GPC5: variants seen among roughly 807,000 people sequenced by gnomAD.
The protein encoded by GPC5 is glypican 5, also known as glypican-5.
Under a neutral mutation model 53.9 loss-of-function variants are expected in GPC5, and 47 were observed. That is an observed-to-expected ratio of 0.87 (90% CI 0.69 to 1.11). The LOEUF is 1.11. Ranked by LOEUF, GPC5 falls within the 50% of genes most tolerant of loss-of-function variation. GPC5 has a pLI of 0.00. For synonymous variants in GPC5, 286 were observed against 263.3 expected (o/e 1.09, Z -0.84); for missense variants, 748 against 713.1 (o/e 1.05, Z -0.56).
intron 7 of GPC5, among the ~76,000 whole-genome samples, chr13:92,519,158 G>A (rs1057360556): frequency 3.9e-5 from 6 of 152,168 alleles, no homozygotes; most frequent in African/African-American, 1.4e-4. Context: ...AAGAGACTTA[G>A]ACTCCCACAC....
At position 92,212,618 on chromosome 13, in the gene GPC5, A is replaced by C. The variant is rs77496097; in HGVS notation, c.1561+67629A>C. ...GGAGATGTGGGGGACCCTAAGTAGT[A>C]ATGAATTTTCCTTTGCTTATTCTAG... On this transcript the variant is annotated intron_variant, in intron 7 of 7. Coordinates refer to ENST00000377067, the MANE Select transcript of GPC5 (RefSeq NM_004466.6). Among the ~76,000 whole-genome samples the C allele has an allele frequency of 7.3e-3, 1,112 of 152,286 alleles. 12 individuals are homozygous for C. Among genetic ancestry groups the C allele is most frequent in the Non-Finnish European group, 0.013 (886 of 68,016 alleles).
chr13:92,283,708 C>A (rs2139172670), intron 7 of GPC5, among the ~76,000 whole-genome samples: 1 of 152,248 alleles, frequency 6.6e-6, no homozygotes, highest in African/African-American at 2.4e-5. Flanking sequence ...AACAAAGACA[C>A]AACATACCAG....
intron 7 of GPC5, among the ~76,000 whole-genome samples, chr13:92,420,146 A>G (rs1876494664): frequency 6.6e-6 from 1 of 152,132 alleles, no homozygotes; most frequent in Non-Finnish European, 1.5e-5. Context: ...GTTTTTCTAG[A>G]TATATATGGT....
At chr13:92,445,660 G>T (rs985592462) in intron 7 of GPC5, among the ~76,000 whole-genome samples, 5 of 151,442 alleles carry the variant, frequency 3.3e-5, no homozygotes, top group Non-Finnish European at 7.4e-5. Flanking sequence ...ATTTTTTATG[G>T]CTGCATAGTA....
intron 5 of GPC5, among the ~76,000 whole-genome samples, chr13:91,807,441 G>A (rs935468304): frequency 1.1e-4 from 16 of 152,246 alleles, no homozygotes; most frequent in Admixed American, 9.8e-4. Context: ...TTCTTTTCTA[G>A]ATTAATGGTT....
intron 6 of GPC5, among the ~76,000 whole-genome samples, chr13:92,112,148 A>G (rs1383975690): frequency 1.3e-5 from 2 of 152,176 alleles, no homozygotes; most frequent in Non-Finnish European, 2.9e-5. Context: ...GAAAGAAACA[A>G]TTAGTTTTCT....
At chr13:92,652,832 C>T (rs1886000707) in intron 7 of GPC5, among the ~76,000 whole-genome samples, 1 of 152,152 alleles carries the variant, frequency 6.6e-6, no homozygotes, top group Non-Finnish European at 1.5e-5. Flanking sequence ...GATGAACTAA[C>T]TTCCCTAAAA....
rs140149016 is a variant in GPC5, at chr13:92,595,425, T to C, written c.1562-270857T>C. Among the ~76,000 whole-genome samples the C allele has an allele frequency of 2.6e-3, 398 of 152,324 alleles. 1 individual carries two copies. Among genetic ancestry groups the C allele is most frequent in the African/African-American group, 9.0e-3 (374 of 41,578 alleles). On this transcript the variant is annotated intron_variant, in intron 7 of 7. Coordinates refer to ENST00000377067, the MANE Select transcript of GPC5 (RefSeq NM_004466.6). ...TTTGCAGTAAGAGTCGCCTACCATA[T>C]GTAAACCTACAATTATGAGTTGTGC... is the stretch of plus-strand genomic sequence containing the variant.
At chr13:92,476,833 G>A (rs1879159942) in intron 7 of GPC5, among the ~76,000 whole-genome samples, 1 of 137,906 alleles carries the variant, frequency 7.3e-6, no homozygotes, top group Admixed American at 8.0e-5. Context: ...TCATAGGTGG[G>A]AATTGAACAA....
At chr13:91,839,416 G>T (rs2038759164) in intron 5 of GPC5, among the ~76,000 whole-genome samples, 1 of 152,062 alleles carries the variant, frequency 6.6e-6, no homozygotes, top group Non-Finnish European at 1.5e-5. Flanking sequence ...ATATTATTTT[G>T]CAACCGCTTT....
At chr13:92,716,020 T>C (rs1308996753) in intron 7 of GPC5, among the ~76,000 whole-genome samples, 1 of 152,218 alleles carries the variant, frequency 6.6e-6, no homozygotes, top group Non-Finnish European at 1.5e-5. Flanking sequence ...CCTAAGTTTT[T>C]CTTTTTCCTT....
At chr13:91,908,520 C>A (rs1475192742) in intron 6 of GPC5, among the ~76,000 whole-genome samples, 1 of 151,972 alleles carries the variant, frequency 6.6e-6, no homozygotes, top group Non-Finnish European at 1.5e-5. Flanking sequence ...TCCTATAACA[C>A]CTTTTATATG....
At chr13:92,016,502 TA>T (rs2138783978) in intron 6 of GPC5, among the ~76,000 whole-genome samples, 1 of 152,278 alleles carries the variant, frequency 6.6e-6, no homozygotes, top group African/African-American at 2.4e-5. Context: ...CTTCTGATTC[TA>T]AATTTTATTT....
In GPC5 at chr13:91,638,375, T is replaced by G. The variant is rs141175989; in HGVS notation, c.326-54812T>G. ...CATTTCTTTCTTTTTCTTTTTTTTT[T>G]CTTTTTTTGAGACGGAGTTTCACCA... On this transcript the variant is annotated intron_variant, in intron 2 of 7. Coordinates refer to ENST00000377067, the MANE Select transcript of GPC5 (RefSeq NM_004466.6). Among the ~76,000 whole-genome samples, 210 of 152,184 alleles carry G rather than the reference T, an allele frequency of 1.4e-3. 1 individual carries two copies. Among genetic ancestry groups the G allele is most frequent in the Non-Finnish European group, 2.5e-3 (168 of 68,004 alleles).
At chr13:92,454,934 T>C (rs1878201493) in intron 7 of GPC5, among the ~76,000 whole-genome samples, 1 of 152,220 alleles carries the variant, frequency 6.6e-6, no homozygotes. Flanking sequence ...AACAAGAACA[T>C]AGGCTATTAT....
chr13:91,982,954 A>G (rs2040372703), intron 6 of GPC5, among the ~76,000 whole-genome samples: 1 of 152,218 alleles, frequency 6.6e-6, no homozygotes, highest in African/African-American at 2.4e-5. Context: ...TTTATTAATG[A>G]AAATGTTCAA....
At chr13:91,907,156 T>C (rs1594655368) in intron 5 of GPC5, among the ~76,000 whole-genome samples, 1 of 149,234 alleles carries the variant, frequency 6.7e-6, no homozygotes, top group East Asian at 1.9e-4. Context: ...ATAGGTATAA[T>C]TGTTTTCCTT....
chr13:92,548,234 C>G (rs775198728), intron 7 of GPC5, among the ~76,000 whole-genome samples: 1 of 151,666 alleles, frequency 6.6e-6, no homozygotes, highest in Non-Finnish European at 1.5e-5. Context: ...AGATAAAAAG[C>G]GTGGTTGGTT....
At chr13:92,859,204 G>T (rs1879104083) in intron 7 of GPC5, among the ~76,000 whole-genome samples, 1 of 152,096 alleles carries the variant, frequency 6.6e-6, no homozygotes, top group Non-Finnish European at 1.5e-5. Flanking sequence ...AGCTATGATG[G>T]TATCACTGCA....
Sources: gnomAD v4.1 joint callset for allele counts (sites outside exome capture counted in the v4.1 genomes callset) on GRCh38, gnomAD v4.1.1 for gene constraint, MANE v1.5 for transcripts, NCBI Gene and HGNC (gene_info 2026-07-23, HGNC 2026-07-21) for gene names.